The following TNNI3 variants were observed in gnomAD, a reference collection of about 807,000 sequenced individuals.
TNNI3 encodes the protein troponin I3, cardiac type.
A neutral mutation model predicts 31.5 loss-of-function variants in TNNI3; 23 were observed. The ratio of observed to expected loss-of-function variants is 0.73; its 90% CI spans 0.52 to 1.03. TNNI3 has a LOEUF of 1.03. Among genes scored for constraint, TNNI3 ranks in the 50% least tolerant of loss-of-function variants. The probability of loss-of-function intolerance (pLI) is 0.00; values close to 1 mark genes in which losing one functional copy is unlikely to be tolerated. For missense variants in TNNI3, 236 were observed against 282.9 expected (o/e 0.83, Z 1.19); for synonymous variants, 120 against 111.7 (o/e 1.07, Z -0.47).
In TNNI3 at chr19:55,156,876, A is replaced by T. The variant is rs1043479682; in HGVS notation, c.108+174T>A. On this transcript the variant is annotated intron_variant, in intron 3 of 7. Coordinates refer to ENST00000344887, the MANE Select transcript of TNNI3 (RefSeq NM_000363.5). This position sits in a 1 kb window ranked among gnomAD's most constrained non-coding sequence, Gnocchi z 4.6. ...CCCTAAGCAAGTCCGAGGGCAACGG[A>T]GTTCCGCCCGCAGGCTGCTGTCACC... 2.3e-6 allele frequency: 2 copies of T among 888,308 alleles called. No individual in the cohort carries two copies. Among genetic ancestry groups the T allele is most frequent in the Non-Finnish European group, 1.8e-6 (1 of 560,662 alleles). 55.0% of individuals were successfully genotyped at this position (888,308 alleles called of 1,614,324 possible). A position where few individuals can be genotyped will look rare whatever the true frequency, so the allele number is the denominator to read the frequency against.
chr19:55,156,553 T>C lies in TNNI3; in HGVS notation c.150+50A>G, dbSNP rs1239074014. 1 of 1,531,280 alleles carries C rather than the reference T, an allele frequency of 6.5e-7. No homozygotes were observed. The highest frequency in any genetic ancestry group is 8.8e-7 in the Non-Finnish European group (1 of 1,136,922). 94.9% of individuals were successfully genotyped at this position (1,531,280 alleles called of 1,614,324 possible). On this transcript the variant is annotated intron_variant, in intron 4 of 7. Coordinates refer to ENST00000344887, the MANE Select transcript of TNNI3 (RefSeq NM_000363.5). The surrounding 1 kb of genome is among the most constrained non-coding windows in gnomAD (Gnocchi z 4.6). ...CCGAAAGCCCCACCCATTCTCAAGC[T>C]CCGCCCCCTGAGCACCTGCCTGCTC...
Position 55,151,799 on chromosome 19 carries a change from G to A in TNNI3, c.*35C>T, listed in dbSNP as rs375447438. 2,524 of 1,593,514 alleles carry A rather than the reference G, an allele frequency of 1.6e-3. 55 individuals are homozygous for A. The South Asian group carries it at 0.026, about 17-fold the overall frequency. ...TCAGAGAGAAGCTTTATTCCTCAGG[G>A]CCCTCCTCAGGGCAGGGGCAGTAGG... is the stretch of plus-strand genomic sequence containing the variant. On this transcript the variant is annotated 3_prime_UTR_variant, in exon 8 of 8. Transcript: ENST00000344887.
At position 55,156,558 on chromosome 19, in the gene TNNI3, C is replaced by T; in HGVS notation, c.150+45G>A. On this transcript the variant is annotated intron_variant, in intron 4 of 7. Coordinates refer to ENST00000344887, the MANE Select transcript of TNNI3 (RefSeq NM_000363.5). The surrounding 1 kb of genome is among the most constrained non-coding windows in gnomAD (Gnocchi z 4.6). ...AGCCCCACCCATTCTCAAGCTCCGC[C>T]CCCTGAGCACCTGCCTGCTCTTTCC... is the stretch of plus-strand genomic sequence containing the variant. The T allele has an allele frequency of 6.4e-7, 1 of 1,552,626 alleles. No individual in the cohort carries two copies. The highest frequency in any genetic ancestry group is 2.4e-5 in the East Asian group (1 of 41,152).
In TNNI3 at chr19:55,152,589, C is replaced by T. The variant is rs1355021210; in HGVS notation, c.550-672G>A. ...GATATTTTGAGAAAGAGACCACATTCATGAGTTTTATTACAATCTGTTATA... is the reference window on the plus strand; with the variant it reads ...GATATTTTGAGAAAGAGACCACATTTATGAGTTTTATTACAATCTGTTATA... On this transcript the variant is annotated intron_variant, in intron 7 of 7. Transcript: ENST00000344887. The surrounding 1 kb of genome is among the most constrained non-coding windows in gnomAD (Gnocchi z 4.0). Among the ~76,000 whole-genome samples the T allele has an allele frequency of 6.6e-6, 1 of 152,176 alleles. No individual in the cohort carries two copies. Among genetic ancestry groups the T allele is most frequent in the African/African-American group, 2.4e-5 (1 of 41,438 alleles).
chr19:55,157,623 G>C lies in TNNI3; in HGVS notation c.-34C>G. On this transcript the variant is annotated 5_prime_UTR_variant, in exon 1 of 8. Coordinates refer to ENST00000344887, the MANE Select transcript of TNNI3 (RefSeq NM_000363.5). The surrounding 1 kb of genome is among the most constrained non-coding windows in gnomAD (Gnocchi z 6.3). ...TCAGGCCGGGAATGGCAGGAGGCAG[G>C]GCGAGGACAGGGGCGTTTGGAGGGT... is the stretch of plus-strand genomic sequence containing the variant. The C allele has an allele frequency of 1.2e-6, 2 of 1,613,850 alleles. No individual in the cohort carries two copies. Among genetic ancestry groups the C allele is most frequent in the Non-Finnish European group, 1.7e-6 (2 of 1,179,898 alleles).
intron 7 of TNNI3, 106 bp downstream of exon 7, chr19:55,153,924 G>T: frequency 7.5e-7 from 1 of 1,331,386 alleles, no homozygotes. Flanking sequence ...CTTACTAGCT[G>T]CTTCTACCTC....
In TNNI3 at chr19:55,152,593, A is replaced by G. The variant is rs1169498524; in HGVS notation, c.550-676T>C. On this transcript the variant is annotated intron_variant, in intron 7 of 7. Transcript: ENST00000344887. This position sits in a 1 kb window ranked among gnomAD's most constrained non-coding sequence, Gnocchi z 4.0. ...TTTTGAGAAAGAGACCACATTCATGAGTTTTATTACAATCTGTTATAATTG... is the reference window on the plus strand; with the variant it reads ...TTTTGAGAAAGAGACCACATTCATGGGTTTTATTACAATCTGTTATAATTG... 3.9e-5 allele frequency among the ~76,000 whole-genome samples: 6 copies of G among 152,162 alleles called. No homozygotes were observed. The highest frequency in any genetic ancestry group is 7.3e-5 in the Non-Finnish European group (5 of 68,034).
Position 55,157,286 on chromosome 19 carries a change from C to T in TNNI3, c.24+10G>A. Reference sequence around the variant, plus strand: ...GGGGTCCCAGCCACGCCTTAGCCCGCTGCTCTCACCGCATCGCTGCTCCTG... The same window carrying T: ...GGGGTCCCAGCCACGCCTTAGCCCGTTGCTCTCACCGCATCGCTGCTCCTG... On this transcript the variant is annotated intron_variant, in intron 2 of 7. Coordinates refer to ENST00000344887, the MANE Select transcript of TNNI3 (RefSeq NM_000363.5). The surrounding 1 kb of genome is among the most constrained non-coding windows in gnomAD (Gnocchi z 6.3). The T allele has an allele frequency of 3.7e-6, 6 of 1,612,768 alleles. No individual in the cohort carries two copies. The highest frequency in any genetic ancestry group is 5.1e-6 in the Non-Finnish European group (6 of 1,179,674).
chr19:55,156,971 GC>G lies in TNNI3; in HGVS notation c.108+78del. 6.9e-7 allele frequency: 1 copy of G among 1,458,770 alleles called. No homozygotes were observed. The highest frequency in any genetic ancestry group is 9.3e-7 in the Non-Finnish European group (1 of 1,075,186). 90.4% of individuals were successfully genotyped at this position (1,458,770 alleles called of 1,614,324 possible). A position where few individuals can be genotyped will look rare whatever the true frequency, so the allele number is the denominator to read the frequency against. ...CCGCGTAGTCCCCGCCCCCTTCGCA[GC>G]CCTGGCTCCTCCCCCCACTCCCAGG... On this transcript the variant is annotated intron_variant, in intron 3 of 7. Transcript: ENST00000344887. This position sits in a 1 kb window ranked among gnomAD's most constrained non-coding sequence, Gnocchi z 4.6.
Position 55,157,409 on chromosome 19 carries a change from G to C in TNNI3, c.12-101C>G. 5 of 1,598,204 alleles carry C rather than the reference G, an allele frequency of 3.1e-6. No homozygotes were observed. Among genetic ancestry groups the C allele is most frequent in the Non-Finnish European group, 3.4e-6 (4 of 1,167,652 alleles). On this transcript the variant is annotated intron_variant, in intron 1 of 7. Coordinates refer to ENST00000344887, the MANE Select transcript of TNNI3 (RefSeq NM_000363.5). The surrounding 1 kb of genome is among the most constrained non-coding windows in gnomAD (Gnocchi z 6.3). ...TCTGAACAAGAGGTCGGGGGACCGC[G>C]CTTCCCCTTCCTTGGGTTCCAGGAG...
At chr19:55,154,711 G>C (rs377376034) in intron 6 of TNNI3, 30 bp downstream of exon 6, 1 of 1,605,566 alleles carries the variant, frequency 6.2e-7, no homozygotes, top group Non-Finnish European at 8.5e-7. Flanking sequence ...ACCCTACCCC[G>C]AAGGTACCCG....
chr19:55,152,694 C>T lies in TNNI3; in HGVS notation c.550-777G>A, dbSNP rs557604575. Among the ~76,000 whole-genome samples, 20 of 152,294 alleles carry T rather than the reference C, an allele frequency of 1.3e-4. No homozygotes were observed. Among genetic ancestry groups the T allele is most frequent in the African/African-American group, 4.1e-4 (17 of 41,562 alleles). On this transcript the variant is annotated intron_variant, in intron 7 of 7. Transcript: ENST00000344887. The surrounding 1 kb of genome is among the most constrained non-coding windows in gnomAD (Gnocchi z 4.0). ...AAGCTGGAGTGCAGTCGTGCAATCT[C>T]GGCTCACTGCAGCCTCAACTTCCTG...
chr19:55,154,847 G>C lies in TNNI3; in HGVS notation c.283-17C>G. 6.2e-7 allele frequency: 1 copy of C among 1,613,370 alleles called. No homozygotes were observed. The highest frequency in any genetic ancestry group is 8.5e-7 in the Non-Finnish European group (1 of 1,179,320). On this transcript the variant is annotated splice_polypyrimidine_tract_variant and intron_variant, in intron 5 of 7. Coordinates refer to ENST00000344887, the MANE Select transcript of TNNI3 (RefSeq NM_000363.5). ...GCACAAGTCCTGGAGGAGGAACGTG[G>C]TGTGTGTTGTTGGGGGAACCAAAAA...
In TNNI3 at chr19:55,151,816, G is replaced by C; in HGVS notation, c.*18C>G. On this transcript the variant is annotated 3_prime_UTR_variant, in exon 8 of 8. Coordinates refer to ENST00000344887, the MANE Select transcript of TNNI3 (RefSeq NM_000363.5). ...TCCTCAGGGCCCTCCTCAGGGCAGG[G>C]GCAGTAGGCAGGAAGGCTCAGCTCT... 6.2e-7 allele frequency: 1 copy of C among 1,612,222 alleles called. No homozygotes were observed. Among genetic ancestry groups the C allele is most frequent in the African/African-American group, 1.3e-5 (1 of 75,000 alleles).
At position 55,157,604 on chromosome 19, in the gene TNNI3, C is replaced by A. The variant is rs530600518; in HGVS notation, c.-15G>T. ...CCATCCGCCATGCTGAGACTCAGGC[C>A]GGGAATGGCAGGAGGCAGGGCGAGG... On this transcript the variant is annotated 5_prime_UTR_variant, in exon 1 of 8. Transcript: ENST00000344887. The surrounding 1 kb of genome is among the most constrained non-coding windows in gnomAD (Gnocchi z 6.3). The A allele has an allele frequency of 2.5e-6, 4 of 1,613,868 alleles. No individual in the cohort carries two copies. Among genetic ancestry groups the A allele is most frequent in the African/African-American group, 1.3e-5 (1 of 74,908 alleles).
At chr19:55,154,555 C>G in intron 6 of TNNI3, 186 bp downstream of exon 6, 1 of 682,744 alleles carries the variant, frequency 1.5e-6, no homozygotes. Context: ...GTGCTGTTCC[C>G]TCTGCCTAGA....
Position 55,156,815 on chromosome 19 carries a change from T to A in TNNI3, c.109-171A>T. The A allele has an allele frequency of 1.1e-6, 1 of 873,998 alleles. No individual in the cohort carries two copies. Among genetic ancestry groups the A allele is most frequent in the Middle Eastern group, 2.5e-4 (1 of 3,954 alleles). The allele number at this position is 873,998 out of a possible 1,614,324, so 54.1% of individuals were successfully genotyped here. ...CGCCCCTCATTCCCATCCACCAATC[T>A]GGGTCTCTTCCTTTGGATAGGCACT... On this transcript the variant is annotated intron_variant, in intron 3 of 7. Coordinates refer to ENST00000344887, the MANE Select transcript of TNNI3 (RefSeq NM_000363.5). This position sits in a 1 kb window ranked among gnomAD's most constrained non-coding sequence, Gnocchi z 4.6.
Position 55,156,988 on chromosome 19 carries a change from C to G in TNNI3, c.108+62G>C, listed in dbSNP as rs530460806. On this transcript the variant is annotated intron_variant, in intron 3 of 7. Coordinates refer to ENST00000344887, the MANE Select transcript of TNNI3 (RefSeq NM_000363.5). The surrounding 1 kb of genome is among the most constrained non-coding windows in gnomAD (Gnocchi z 4.6). ...CCTTCGCAGCCCTGGCTCCTCCCCC[C>G]ACTCCCAGGGTCTTGGATCCCTCCG... 52 of 1,520,188 alleles carry G rather than the reference C, an allele frequency of 3.4e-5. No homozygotes were observed. Among genetic ancestry groups the G allele is most frequent in the Admixed American group, 2.4e-4 (12 of 50,968 alleles). The allele number at this position is 1,520,188 out of a possible 1,614,324, so 94.2% of individuals were successfully genotyped here. A position where few individuals can be genotyped will look rare whatever the true frequency, so the allele number is the denominator to read the frequency against.
At position 55,156,280 on chromosome 19, in the gene TNNI3, C is replaced by T; in HGVS notation, c.203G>A (p.Arg68Gln). The T allele has an allele frequency of 6.2e-7, 1 of 1,611,226 alleles. No homozygotes were observed. The highest frequency in any genetic ancestry group is 8.5e-7 in the Non-Finnish European group (1 of 1,179,388). ...CAGAGCGCGCCCCTTCTCTCCGCGCCGCTCCTCCGCCTCTCGCTCCAGCTC... is the reference window on the plus strand; with the variant it reads ...CAGAGCGCGCCCCTTCTCTCCGCGCTGCTCCTCCGCCTCTCGCTCCAGCTC... ...KQELEREAEE[R>Q]RGEKGRALST... The change falls in exon 5 of 8, where the codon CGG (arginine) becomes CAG (glutamine). Residue 68 changes from arginine to glutamine, a missense_variant. By Grantham distance (43) the Arg-to-Gln change is conservative. Transcript: ENST00000344887. The surrounding 1 kb of genome is among the most constrained non-coding windows in gnomAD (Gnocchi z 4.6).
Sources: allele counts gnomAD v4.1 joint callset (sites outside exome capture counted in the v4.1 genomes callset), GRCh38; gene constraint gnomAD v4.1.1; non-coding constraint Gnocchi (gnomAD v3.1); transcripts MANE v1.5; gene names NCBI Gene and HGNC (gene_info 2026-07-23, HGNC 2026-07-21).